Variants in KDM7A observed in about 807,000 individuals in gnomAD.
KDM7A encodes lysine demethylase 7A.
KDM7A carries 28 observed loss-of-function variants against 114.8 expected under a neutral mutation model. The observed-to-expected ratio is 0.24, with a 90% CI of 0.18 to 0.33. The LOEUF (loss-of-function observed/expected upper bound fraction) is 0.33. Ranked by LOEUF, KDM7A falls within the 10% of genes least tolerant of loss-of-function variation. The pLI, the probability that KDM7A is intolerant of heterozygous loss-of-function variation, is 1.00. For synonymous variants in KDM7A, 423 were observed against 397.8 expected, an observed-to-expected ratio of 1.06 and a Z score of -0.75; for missense variants, 942 against 1,142.5, an observed-to-expected ratio of 0.82 and a Z score of 2.53.
intron 13 of KDM7A, among the ~76,000 whole-genome samples, chr7:140,099,297 C>T (rs1356837843): frequency 6.6e-6 from 1 of 152,110 alleles, no homozygotes; most frequent in Non-Finnish European, 1.5e-5. Flanking sequence ...TGGGCTCAAG[C>T]GATCCTCTCA....
chr7:140,149,558 C>A (rs1422867859), intron 1 of KDM7A, among the ~76,000 whole-genome samples: 1 of 152,148 alleles, frequency 6.6e-6, no homozygotes, highest in Non-Finnish European at 1.5e-5. Context: ...CAGTGAAATT[C>A]TCAAGTTAAT....
At chr7:140,096,127 A>G (rs915550829) in intron 17 of KDM7A, among the ~76,000 whole-genome samples, 9 of 152,096 alleles carry the variant, frequency 5.9e-5, no homozygotes, top group African/African-American at 2.2e-4. Flanking sequence ...TCTTTTCCTA[A>G]TACTTTCTTT....
At chr7:140,147,845 T>C (rs994043838) in intron 1 of KDM7A, among the ~76,000 whole-genome samples, 1 of 152,190 alleles carries the variant, frequency 6.6e-6, no homozygotes, top group Non-Finnish European at 1.5e-5. Context: ...GATGCATAGA[T>C]TGTAGAATTA....
chr7:140,086,734 C>G lies in KDM7A; in HGVS notation c.*4360G>C, dbSNP rs574687948. The G allele has an allele frequency of 6.6e-6, 1 of 152,034 alleles. No individual in the cohort carries two copies. Among genetic ancestry groups the G allele is most frequent in the East Asian group, 1.9e-4 (1 of 5,186 alleles). The allele number at this position is 152,034 out of a possible 1,614,324, so 9.4% of individuals were successfully genotyped here. A position where few individuals can be genotyped will look rare whatever the true frequency, so the allele number is the denominator to read the frequency against. On this transcript the variant is annotated 3_prime_UTR_variant, in exon 20 of 20. Transcript: ENST00000397560. ...AGGCCCCAGATCCACTGTGTCTCCC[C>G]ACGCAAATCACTGTCCACTCTGGGT...
intron 12 of KDM7A, 51 bp from the exon 13 acceptor site, chr7:140,100,074 G>A (rs751542683): frequency 6.2e-7 from 1 of 1,602,678 alleles, no homozygotes; most frequent in Non-Finnish European, 8.5e-7. Context: ...AGGTAGCCCT[G>A]TTCGACTGAT....
At chr7:140,104,955 T>A (rs1440269517) in intron 11 of KDM7A, among the ~76,000 whole-genome samples, 2 of 152,180 alleles carry the variant, frequency 1.3e-5, no homozygotes, top group South Asian at 2.1e-4. Context: ...TTGTGTCTTC[T>A]TTTATTTTGT....
chr7:140,126,202 C>T (rs1399210915), intron 6 of KDM7A, among the ~76,000 whole-genome samples: 2 of 152,194 alleles, frequency 1.3e-5, no homozygotes, highest in Non-Finnish European at 2.9e-5. Flanking sequence ...TAAGCCACTA[C>T]ACCCAGCCAA....
chr7:140,174,210 G>C (rs1268960340), intron 1 of KDM7A, among the ~76,000 whole-genome samples: 3 of 150,858 alleles, frequency 2.0e-5, no homozygotes, highest in Non-Finnish European at 4.4e-5. Flanking sequence ...TTAATAAAAA[G>C]ATACTGCTTT....
intron 6 of KDM7A, 85 bp downstream of exon 6, chr7:140,126,552 A>G (rs935755189): frequency 8.0e-6 from 6 of 748,744 alleles, no homozygotes; most frequent in Middle Eastern, 5.2e-4. Context: ...TTTACAAGTA[A>G]CATTTACAAG....
At chr7:140,098,034 C>T (rs933702387) in intron 14 of KDM7A, among the ~76,000 whole-genome samples, 7 of 152,176 alleles carry the variant, frequency 4.6e-5, no homozygotes, top group African/African-American at 1.7e-4. Context: ...AAACGTAAAA[C>T]GCATTCACGT....
intron 3 of KDM7A, among the ~76,000 whole-genome samples, chr7:140,131,815 T>C (rs1158074384): frequency 6.6e-6 from 1 of 152,212 alleles, no homozygotes. Context: ...GGTACATTTT[T>C]TGCAAGAGGA....
chr7:140,171,742 T>C (rs139902682), intron 1 of KDM7A, among the ~76,000 whole-genome samples: 1 of 151,806 alleles, frequency 6.6e-6, no homozygotes, highest in Non-Finnish European at 1.5e-5. Context: ...GCCCCACTTA[T>C]GCCTGTACTT....
At chr7:140,092,731 C>T (rs1459138970) in intron 18 of KDM7A, among the ~76,000 whole-genome samples, 1 of 152,136 alleles carries the variant, frequency 6.6e-6, no homozygotes, top group Non-Finnish European at 1.5e-5. Context: ...TTTCATGAAA[C>T]CAGTTTTCAT....
intron 9 of KDM7A, among the ~76,000 whole-genome samples, chr7:140,117,095 G>C (rs190016811): frequency 6.6e-6 from 1 of 152,316 alleles, no homozygotes; most frequent in African/African-American, 2.4e-5. Flanking sequence ...TTGCTATAAT[G>C]ATCAATTGGC....
chr7:140,127,696 T>C (rs975827963), intron 4 of KDM7A, 113 bp from the exon 5 acceptor site: 2 of 895,666 alleles, frequency 2.2e-6, no homozygotes, highest in African/African-American at 3.4e-5. Flanking sequence ...TAAAACTATG[T>C]AGTCTAGACA....
At chr7:140,097,177 T>C (rs1158357469) in intron 15 of KDM7A, 130 bp from the exon 16 acceptor site, 3 of 693,600 alleles carry the variant, frequency 4.3e-6, no homozygotes, top group Non-Finnish European at 7.1e-6. Flanking sequence ...TTTCTGTAAT[T>C]CACATGAAAA....
rs2116724532 is a variant in KDM7A, at chr7:140,086,500, A to G, written c.*4594T>C. 1 of 152,334 alleles carries G rather than the reference A, an allele frequency of 6.6e-6. No individual in the cohort carries two copies. 9.4% of individuals were successfully genotyped at this position (152,334 alleles called of 1,614,324 possible). ...ACCTTAATTTTTAAAATTTATGTTA[A>G]GGATATCAAATATTTGACTTTACAG... On this transcript the variant is annotated 3_prime_UTR_variant, in exon 20 of 20. Transcript: ENST00000397560.
At chr7:140,147,470 T>A (rs1209691233) in intron 1 of KDM7A, among the ~76,000 whole-genome samples, 1 of 152,196 alleles carries the variant, frequency 6.6e-6, no homozygotes, top group Non-Finnish European at 1.5e-5. Context: ...AGTAGAAGGC[T>A]GTGGTAATGA....
At chr7:140,142,068 T>TATTTATATATCATATATATATAAAAGAC (rs1344479143) in intron 1 of KDM7A, among the ~76,000 whole-genome samples, 3 of 147,880 alleles carry the variant, frequency 2.0e-5, no homozygotes, top group Non-Finnish European at 4.5e-5. Flanking sequence ...ATATAAAAGA[T>TATTTATATATCATATATATATAAAAGAC]ATTTATATAT....
Sources: gnomAD v4.1 joint callset for allele counts (sites outside exome capture counted in the v4.1 genomes callset) on GRCh38, gnomAD v4.1.1 for gene constraint, MANE v1.5 for transcripts, NCBI Gene and HGNC (gene_info 2026-07-23, HGNC 2026-07-21) for gene names.